The following PTPRD variants were observed in gnomAD, a reference collection of about 807,000 sequenced individuals.
PTPRD encodes the protein receptor-type tyrosine-protein phosphatase delta.
Under a neutral mutation model 214.5 loss-of-function variants are expected in PTPRD, and 34 were observed. That is an observed-to-expected ratio of 0.16 (90% CI 0.12 to 0.21). The LOEUF is 0.21. Ranked by LOEUF, PTPRD falls within the 10% of genes least tolerant of loss-of-function variation. PTPRD has a pLI of 1.00. For missense variants in PTPRD, 2,545 were observed against 2,398.7 expected, an observed-to-expected ratio of 1.06 and a Z score of -1.27; for synonymous variants, 1,128 against 845.7, an observed-to-expected ratio of 1.33 and a Z score of -5.79.
At chr9:10,005,048 G>T (rs1462990837) in intron 4 of PTPRD, among the ~76,000 whole-genome samples, 1 of 151,934 alleles carries the variant, frequency 6.6e-6, no homozygotes, top group African/African-American at 2.4e-5. Flanking sequence ...ATATTTCTTT[G>T]CAATGAAAAA....
intron 9 of PTPRD, among the ~76,000 whole-genome samples, chr9:9,244,346 A>G (rs2099971890): frequency 6.6e-6 from 1 of 152,262 alleles, no homozygotes; most frequent in Admixed American, 6.5e-5. Flanking sequence ...CTAAGCCAAA[A>G]GAACAAAGCT....
At chr9:9,672,461 C>G (rs1003628258) in intron 7 of PTPRD, among the ~76,000 whole-genome samples, 3 of 152,040 alleles carry the variant, frequency 2.0e-5, no homozygotes, top group Non-Finnish European at 4.4e-5. Context: ...TATAAAAATA[C>G]ATGATTACTT....
At chr9:9,230,434 G>C (rs1319366017) in intron 9 of PTPRD, among the ~76,000 whole-genome samples, 1 of 152,044 alleles carries the variant, frequency 6.6e-6, no homozygotes. Context: ...GTGTTTCCCT[G>C]AGATCTGTGA....
At chr9:10,343,306 C>G (rs2096981234) in intron 2 of PTPRD, among the ~76,000 whole-genome samples, 2 of 152,130 alleles carry the variant, frequency 1.3e-5, no homozygotes, top group Admixed American at 1.3e-4. Context: ...AGGACATGAA[C>G]TCATCCTTTT....
rs571411218 is a variant in PTPRD at position 8,376,675 on chromosome 9, C to T, written c.4438G>A (p.Val1480Ile). 247 of 1,613,102 alleles carry T rather than the reference C, an allele frequency of 1.5e-4. 3 individuals are homozygous for T. The South Asian group carries it at 2.1e-3, about 14-fold the overall frequency. Residue 1480 changes from valine (V) to isoleucine (I), a missense_variant, in exon 38 of 46, where the codon GTT becomes ATT. Coordinates refer to ENST00000381196, the MANE Select transcript of PTPRD (RefSeq NM_002839.4). ...ACAGTATCAAGCAGCGTTACTTGAACGAGTCCGTGGGTTTCTGTGCCTCTG... is the reference window on the plus strand; with the variant it reads ...ACAGTATCAAGCAGCGTTACTTGAATGAGTCCGTGGGTTTCTGTGCCTCTG... ...PSRGTETHGL[V>I]QVTLLDTVEL...
chr9:10,504,304 C>T (rs2784631), intron 2 of PTPRD, among the ~76,000 whole-genome samples: 145,107 of 151,810 alleles, frequency 0.96, 69,653 homozygotes, highest in East Asian at 1. Flanking sequence ...TTATGATTAA[C>T]AGTTAATTTG....
intron 3 of PTPRD, among the ~76,000 whole-genome samples, chr9:10,212,518 AGT>A (rs1564560996): frequency 6.6e-6 from 1 of 152,156 alleles, no homozygotes; most frequent in Non-Finnish European, 1.5e-5. Context: ...TTCCAACAGG[AGT>A]GTTTTACACT....
chr9:10,517,566 T>A (rs1224718084), intron 2 of PTPRD, among the ~76,000 whole-genome samples: 1 of 152,056 alleles, frequency 6.6e-6, no homozygotes, highest in Non-Finnish European at 1.5e-5. Flanking sequence ...ACAAACTATT[T>A]TGTCCAATGT....
In PTPRD at chr9:9,080,322, C is replaced by T. The variant is rs889351277; in HGVS notation, c.-142-61587G>A. 9.2e-5 allele frequency among the ~76,000 whole-genome samples: 14 copies of T among 151,896 alleles called. 1 individual carries two copies. Among genetic ancestry groups the T allele is most frequent in the Non-Finnish European group, 1.9e-4 (13 of 67,952 alleles). ...TCTAGAATGACATTTTTAAATCCTT[C>T]AAAATACATGGAAAAGTAATTTAAA... is the stretch of plus-strand genomic sequence containing the variant. On this transcript the variant is annotated intron_variant, in intron 10 of 45. Transcript: ENST00000381196.
chr9:8,470,618 C>T (rs1230639350), intron 31 of PTPRD, among the ~76,000 whole-genome samples: 1 of 152,116 alleles, frequency 6.6e-6, no homozygotes, highest in East Asian at 1.9e-4. Flanking sequence ...GTGTTTGTGA[C>T]AGCCTCAGCA....
At chr9:9,765,188 A>G (rs2098696576) in intron 6 of PTPRD, among the ~76,000 whole-genome samples, 1 of 152,176 alleles carries the variant, frequency 6.6e-6, no homozygotes, top group East Asian at 1.9e-4. Flanking sequence ...AATATCTGGG[A>G]GAGTTTTCAA....
chr9:10,024,965 A>G (rs12352271), intron 4 of PTPRD, among the ~76,000 whole-genome samples: 7 of 151,524 alleles, frequency 4.6e-5, no homozygotes, highest in African/African-American at 1.7e-4. Context: ...TGAACTCATC[A>G]TTTTTTATGG....
chr9:9,223,439 G>A (rs1489931076), intron 9 of PTPRD, among the ~76,000 whole-genome samples: 1 of 151,956 alleles, frequency 6.6e-6, no homozygotes, highest in East Asian at 1.9e-4. Flanking sequence ...GAGTTCTCTA[G>A]TTCACACAGA....
chr9:9,378,282 A>G (rs760483707), intron 9 of PTPRD, among the ~76,000 whole-genome samples: 18 of 152,142 alleles, frequency 1.2e-4, no homozygotes, highest in Non-Finnish European at 2.1e-4. Flanking sequence ...AATACAGTAT[A>G]TATCTTTTTC....
rs148909603 is a variant in PTPRD, at chr9:9,582,322, T to C, written c.-286-7541A>G. Among the ~76,000 whole-genome samples the C allele has an allele frequency of 2.5e-3, 368 of 149,904 alleles. 16 individuals carry two copies. In the East Asian group the frequency reaches 0.053, roughly 22 times the overall value. ...AGGCATGTTCCTCTTTGTCCCTCCG[T>C]CCCTAAGTAAAATTTCTGGTTAGAA... On this transcript the variant is annotated intron_variant, in intron 7 of 45. Transcript: ENST00000381196.
chr9:9,843,921 G>A (rs1423026790), intron 5 of PTPRD, among the ~76,000 whole-genome samples: 1 of 151,896 alleles, frequency 6.6e-6, no homozygotes, highest in Admixed American at 6.6e-5. Flanking sequence ...CAGTTTGTGG[G>A]CTTAAGATTC....
chr9:8,771,386 G>C (rs2095200786), intron 11 of PTPRD, among the ~76,000 whole-genome samples: 1 of 152,062 alleles, frequency 6.6e-6, no homozygotes, highest in Non-Finnish European at 1.5e-5. Context: ...TTAGAATTTA[G>C]AACCAAGGAA....
At chr9:9,414,839 G>C (rs2076530909) in intron 8 of PTPRD, 1 of 152,142 alleles carries the variant, frequency 6.6e-6, no homozygotes, top group Non-Finnish European at 1.5e-5. Flanking sequence ...GAGTTGAATG[G>C]AAAGAGGGAG....
At chr9:8,352,865 C>T (rs556639667) in intron 39 of PTPRD, among the ~76,000 whole-genome samples, 25 of 152,284 alleles carry the variant, frequency 1.6e-4, no homozygotes, top group African/African-American at 5.5e-4. Context: ...GTAATCCCAG[C>T]GCTTTGGGAG....
Sources: gnomAD v4.1 joint callset for allele counts (sites outside exome capture counted in the v4.1 genomes callset) on GRCh38, gnomAD v4.1.1 for gene constraint, MANE v1.5 for transcripts, NCBI Gene and HGNC (gene_info 2026-07-23, HGNC 2026-07-21) for gene names.